ALDH2: variants seen among roughly 807,000 people sequenced by gnomAD.
ALDH2 encodes aldehyde dehydrogenase 2 family member, also known as aldehyde dehydrogenase, mitochondrial.
Under a neutral mutation model 59.6 loss-of-function variants are expected in ALDH2, and 44 were observed. The observed-to-expected ratio is 0.74, with a 90% confidence interval of 0.58 to 0.95. The LOEUF (loss-of-function observed/expected upper bound fraction) is 0.95. Ranked by LOEUF, ALDH2 falls within the 40% of genes least tolerant of loss-of-function variation. The pLI is 0.00. For missense variants in ALDH2, 570 were observed against 696.3 expected (o/e 0.82, Z 2.04); for synonymous variants, 291 against 284.0 (o/e 1.02, Z -0.25).
intron 9 of ALDH2, among the ~76,000 whole-genome samples, chr12:111,793,202 T>TTTTA (rs56949860): frequency 0.014 from 2,134 of 152,104 alleles, 51 homozygotes; most frequent in African/African-American, 0.048. Context: ...AGCTGTTTGA[T>TTTTA]TTTATTTATT....
chr12:111,792,588 C>T lies in ALDH2; in HGVS notation c.899-10C>T. 7 of 1,608,634 alleles carry T rather than the reference C, an allele frequency of 4.4e-6. No individual in the cohort carries two copies. The highest frequency in any genetic ancestry group is 5.9e-6 in the Non-Finnish European group (7 of 1,178,528). On this transcript the variant is annotated splice_polypyrimidine_tract_variant and intron_variant, in intron 8 of 12. Coordinates refer to ENST00000261733, the MANE Select transcript of ALDH2 (RefSeq NM_000690.4). ...CTGTCACCTTTCTGTCTCCTGCCCA[C>T]TTCCCGCAGTGGATTGGGCCGTGGA...
intron 1 of ALDH2, among the ~76,000 whole-genome samples, chr12:111,779,590 G>A (rs745602669): frequency 1.5e-4 from 23 of 152,196 alleles, no homozygotes; most frequent in Middle Eastern, 3.2e-3. Context: ...TTTATGGTCC[G>A]AGACTCTGGC....
chr12:111,794,166 C>T (rs1403752988), intron 9 of ALDH2, among the ~76,000 whole-genome samples: 1 of 151,720 alleles, frequency 6.6e-6, no homozygotes, highest in Non-Finnish European at 1.5e-5. Context: ...CTTACAGGTG[C>T]ATGCCACCAT....
At chr12:111,775,156 T>C (rs1301115901) in intron 1 of ALDH2, among the ~76,000 whole-genome samples, 1 of 152,196 alleles carries the variant, frequency 6.6e-6, no homozygotes, top group Non-Finnish European at 1.5e-5. Context: ...ACAGCAAGTC[T>C]ATTACCCCCA....
chr12:111,778,459 C>T (rs1186496674), intron 1 of ALDH2, among the ~76,000 whole-genome samples: 7 of 144,174 alleles, frequency 4.9e-5, no homozygotes, highest in South Asian at 2.2e-4. Context: ...GCAGGAGAAT[C>T]GCTTGAACCT....
intron 2 of ALDH2, among the ~76,000 whole-genome samples, chr12:111,782,903 A>G (rs2068282704): frequency 6.6e-6 from 1 of 152,060 alleles, no homozygotes; most frequent in Non-Finnish European, 1.5e-5. Context: ...ACAAAAAAAA[A>G]GAAAATACAG....
chr12:111,799,163 T>TTAA (rs2068428574), intron 10 of ALDH2, among the ~76,000 whole-genome samples: 2 of 136,004 alleles, frequency 1.5e-5, no homozygotes, highest in East Asian at 2.4e-4. Context: ...ACGCCCGGCT[T>TTAA]ATTTTTTCTC....
At chr12:111,786,216 T>TTTGA (rs537374639) in intron 4 of ALDH2, among the ~76,000 whole-genome samples, 26 of 152,246 alleles carry the variant, frequency 1.7e-4, no homozygotes, top group South Asian at 1.7e-3. Flanking sequence ...ATCAAAAATG[T>TTTGA]TTGATTGATT....
At position 111,792,695 on chromosome 12, in the gene ALDH2, T is replaced by C; in HGVS notation, c.996T>C (p.Tyr332=). The C allele has an allele frequency of 6.2e-7, 1 of 1,604,976 alleles. No individual in the cohort carries two copies. The highest frequency in any genetic ancestry group is 1.1e-5 in the South Asian group (1 of 89,596). The part of the protein sequence containing the change: ...GSRTFVQEDI[Y]DEFVERSVAR... ...GGACCTTCGTGCAGGAGGACATCTA[T>C]GATGAGTTTGTGGAGCGGAGCGTTG... The change falls in exon 9 of 13, where the codon TAT becomes TAC. Residue 332 remains tyrosine, a synonymous_variant. Transcript: ENST00000261733.
At position 111,799,899 on chromosome 12, in the gene ALDH2, A is replaced by G. The variant is rs2068436083; in HGVS notation, c.1249-7A>G. 1.9e-6 allele frequency: 3 copies of G among 1,612,276 alleles called. No homozygotes were observed. The highest frequency in any genetic ancestry group is 8.5e-7 in the Non-Finnish European group (1 of 1,179,024). On this transcript the variant is annotated splice_region_variant and splice_polypyrimidine_tract_variant and intron_variant, in intron 10 of 12. Transcript: ENST00000261733. ...CCGAACCCTCCTACGCTGCTCTCTC[A>G]CTCCAGATCTTCGGGCCAGTGATGC...
chr12:111,775,274 C>T (rs1156711427), intron 1 of ALDH2, among the ~76,000 whole-genome samples: 7 of 152,180 alleles, frequency 4.6e-5, no homozygotes, highest in Non-Finnish European at 1.0e-4. Flanking sequence ...CCCCGCTCTC[C>T]CCTCACCTAC....
chr12:111,790,446 C>A lies in ALDH2; in HGVS notation c.565C>A (p.Leu189Ile). The A allele has an allele frequency of 6.2e-7, 1 of 1,614,128 alleles. No individual in the cohort carries two copies. The highest frequency in any genetic ancestry group is 8.5e-7 in the Non-Finnish European group (1 of 1,180,022). ...CGQIIPWNFP[L>I]LMQAWKLGPA... ...TTGTTTGTTGCAGTGGAATTTCCCG[C>A]TCCTGATGCAAGCATGGAAGCTGGG... The change falls in exon 6 of 13, where the codon CTC becomes ATC. Residue 189 changes from leucine to isoleucine, a missense_variant. Physicochemically the swap from Leu to Ile is conservative, Grantham distance 5. Coordinates refer to ENST00000261733, the MANE Select transcript of ALDH2 (RefSeq NM_000690.4).
chr12:111,780,620 C>T (rs1445422276), intron 1 of ALDH2, among the ~76,000 whole-genome samples: 3 of 152,180 alleles, frequency 2.0e-5, no homozygotes, highest in Non-Finnish European at 2.9e-5. Context: ...TTCTCTACCC[C>T]CCACCTTAGT....
In ALDH2 at chr12:111,816,338, G is replaced by T. The variant is rs923189029; in HGVS notation, c.*6763G>T. 1.3e-5 allele frequency: 2 copies of T among 152,176 alleles called. No homozygotes were observed. The highest frequency in any genetic ancestry group is 1.5e-5 in the Non-Finnish European group (1 of 68,042). 9.4% of individuals were successfully genotyped at this position (152,176 alleles called of 1,614,324 possible). On this transcript the variant is annotated 3_prime_UTR_variant, in exon 13 of 13. Coordinates refer to ENST00000261733, the MANE Select transcript of ALDH2 (RefSeq NM_000690.4). Reference sequence around the variant, plus strand: ...GGTAAAGGAGATAGGGAGAAGGGGGGGTGGTTGTCGGTCAGCAGCTTGATT... The same window carrying T: ...GGTAAAGGAGATAGGGAGAAGGGGGTGTGGTTGTCGGTCAGCAGCTTGATT...
intron 2 of ALDH2, 144 bp from the exon 3 acceptor site, chr12:111,783,014 C>A: frequency 9.8e-7 from 1 of 1,017,030 alleles, no homozygotes; most frequent in East Asian, 2.6e-5. Flanking sequence ...CAGGGCTCTG[C>A]CGGGCTAGGA....
chr12:111,783,222 G>T lies in ALDH2; in HGVS notation c.284G>T (p.Arg95Leu). The change falls in exon 3 of 13, where the codon CGC (arginine) becomes CTC (leucine). Residue 95 changes from arginine (R) to leucine (L), a missense_variant. Coordinates refer to ENST00000261733, the MANE Select transcript of ALDH2 (RefSeq NM_000690.4). ...TTCCAGCTGGGCTCACCTTGGCGCC[G>T]CATGGACGCATCACACAGGGGCCGG... The part of the protein sequence containing the change: ...AAFQLGSPWR[R>L]MDASHRGRLL... 6 of 1,613,314 alleles carry T rather than the reference G, an allele frequency of 3.7e-6. No homozygotes were observed. The highest frequency in any genetic ancestry group is 4.2e-6 in the Non-Finnish European group (5 of 1,179,668).
chr12:111,776,295 A>G (rs111689914), intron 1 of ALDH2, among the ~76,000 whole-genome samples: 485 of 152,308 alleles, frequency 3.2e-3, no homozygotes, highest in Non-Finnish European at 6.1e-3. Flanking sequence ...AAGCTACGAG[A>G]GAGCTGCAGG....
chr12:111,766,947 G>GCT lies in ALDH2; in HGVS notation c.-32_-31dup, dbSNP rs2068161594. 3 of 1,505,022 alleles carry GCT rather than the reference G, an allele frequency of 2.0e-6. No individual in the cohort carries two copies. In the South Asian group the frequency reaches 3.7e-5, roughly 18 times the overall value. 93.2% of individuals were successfully genotyped at this position (1,505,022 alleles called of 1,614,324 possible). On this transcript the variant is annotated 5_prime_UTR_variant, in exon 1 of 13. Transcript: ENST00000261733. Reference sequence around the variant, plus strand: ...TCAGTGGCCCTGAGACCCTAGCTCTGCTCTCGGTCCGCTCGCTGTCCGCTA... The same window carrying GCT: ...TCAGTGGCCCTGAGACCCTAGCTCTGCTCTCTCGGTCCGCTCGCTGTCCGCTA...
At chr12:111,797,887 C>T (rs899207493) in intron 9 of ALDH2, among the ~76,000 whole-genome samples, 191 bp from the exon 10 acceptor site, 5 of 152,116 alleles carry the variant, frequency 3.3e-5, no homozygotes, top group African/African-American at 7.2e-5. Context: ...TCCTTTTCTC[C>T]GGTAGGCTGA....
Sources: gnomAD v4.1 joint callset for allele counts (sites outside exome capture counted in the v4.1 genomes callset) on GRCh38, gnomAD v4.1.1 for gene constraint, MANE v1.5 for transcripts, NCBI Gene and HGNC (gene_info 2026-07-23, HGNC 2026-07-21) for gene names.